Variants in PIK3C2G observed in about 807,000 individuals in gnomAD.
PIK3C2G encodes the protein phosphatidylinositol 3-kinase C2 domain-containing subunit gamma.
A neutral mutation model predicts 181.1 loss-of-function variants in PIK3C2G; 168 were observed. The observed-to-expected ratio is 0.93, with a 90% confidence interval of 0.82 to 1.05. PIK3C2G has a LOEUF of 1.05. Ranked by LOEUF, PIK3C2G falls within the 50% of genes least tolerant of loss-of-function variation. The pLI is 0.00. For synonymous variants in PIK3C2G, 573 were observed against 592.2 expected (o/e 0.97, Z 0.47); for missense variants, 1,869 against 1,732.8 (o/e 1.08, Z -1.40).
At chr12:18,607,885 C>T (rs543783646) in intron 30 of PIK3C2G, among the ~76,000 whole-genome samples, 36 of 152,108 alleles carry the variant, frequency 2.4e-4, no homozygotes, top group Admixed American at 4.6e-4. Flanking sequence ...AACAAGTGGG[C>T]GAAGAATATA....
chr12:18,278,209 T>C (rs1949066094), intron 1 of PIK3C2G, among the ~76,000 whole-genome samples: 1 of 152,164 alleles, frequency 6.6e-6, no homozygotes, highest in Non-Finnish European at 1.5e-5. Flanking sequence ...GGTCCCACTG[T>C]ACTAAGATCA....
At chr12:18,588,167 A>G (rs373452635) in intron 29 of PIK3C2G, among the ~76,000 whole-genome samples, 8 of 152,222 alleles carry the variant, frequency 5.3e-5, no homozygotes, top group African/African-American at 1.9e-4. Flanking sequence ...AACCTAAACA[A>G]TACCACTATG....
At chr12:18,593,406 T>G (rs1947190261) in intron 29 of PIK3C2G, among the ~76,000 whole-genome samples, 1 of 151,906 alleles carries the variant, frequency 6.6e-6, no homozygotes, top group African/African-American at 2.4e-5. Flanking sequence ...CCTTTTATTT[T>G]CTTGGAAGTA....
the PIK3C2G span, among the ~76,000 whole-genome samples, chr12:18,654,241 G>T: frequency 8.3e-5 from 12 of 144,076 alleles, no homozygotes; most frequent in Admixed American, 8.4e-4. Flanking sequence ...GAAGGTAATA[G>T]AAAAGAGCAA....
At chr12:18,637,034 C>T (rs1243150709) in intron 31 of PIK3C2G, among the ~76,000 whole-genome samples, 1 of 152,132 alleles carries the variant, frequency 6.6e-6, no homozygotes, top group Non-Finnish European at 1.5e-5. Context: ...CAGACATGAG[C>T]TCAAATTCTA....
intron 18 of PIK3C2G, among the ~76,000 whole-genome samples, chr12:18,450,377 C>A (rs939659158): frequency 6.6e-6 from 1 of 152,200 alleles, no homozygotes; most frequent in African/African-American, 2.4e-5. Context: ...CCACCCGCCT[C>A]AGCCTCCCAA....
At chr12:18,543,564 A>G (rs1010590258) in intron 25 of PIK3C2G, among the ~76,000 whole-genome samples, 3 of 151,688 alleles carry the variant, frequency 2.0e-5, no homozygotes, top group Admixed American at 6.6e-5. Flanking sequence ...GTTGATTTTT[A>G]TATATGGTGT....
chr12:18,614,219 A>G (rs1426926956), intron 31 of PIK3C2G, among the ~76,000 whole-genome samples: 3 of 152,090 alleles, frequency 2.0e-5, no homozygotes, highest in Admixed American at 6.6e-5. Context: ...CCATTTTGAC[A>G]TTGATCTACC....
At chr12:18,466,846 T>G (rs1167005658) in intron 18 of PIK3C2G, among the ~76,000 whole-genome samples, 1 of 152,172 alleles carries the variant, frequency 6.6e-6, no homozygotes, top group South Asian at 2.1e-4. Context: ...TGCTAATAAC[T>G]AATTCAATCA....
intron 18 of PIK3C2G, among the ~76,000 whole-genome samples, chr12:18,483,984 G>A (rs938834286): frequency 6.6e-6 from 1 of 152,126 alleles, no homozygotes; most frequent in African/African-American, 2.4e-5. Context: ...GGGACATGCT[G>A]TTCTCCAGGA....
intron 18 of PIK3C2G, among the ~76,000 whole-genome samples, chr12:18,486,945 G>A (rs1269948637): frequency 6.6e-6 from 1 of 152,136 alleles, no homozygotes; most frequent in African/African-American, 2.4e-5. Context: ...AATTAATTAT[G>A]TGGTCCATTT....
rs188100221 is a variant in PIK3C2G at position 18,426,525 on chromosome 12, C to T, written c.2504+2486C>T. Among the ~76,000 whole-genome samples the T allele has an allele frequency of 3.3e-5, 5 of 152,194 alleles. No homozygotes were observed. The East Asian group carries it at 7.7e-4, about 24-fold the overall frequency. On this transcript the variant is annotated intron_variant, in intron 18 of 32. Coordinates refer to ENST00000538779, the MANE Select transcript of PIK3C2G (RefSeq NM_001288772.2). ...CTTTGTATTGTTAACCTTGTTGATTCAATTTTAATTTCATAGGACAAAGTT... is the reference window on the plus strand; with the variant it reads ...CTTTGTATTGTTAACCTTGTTGATTTAATTTTAATTTCATAGGACAAAGTT...
the PIK3C2G span, among the ~76,000 whole-genome samples, chr12:18,708,128 T>C: frequency 6.6e-6 from 1 of 152,348 alleles, no homozygotes; most frequent in East Asian, 1.9e-4. Context: ...ATCCTACATA[T>C]GTGCTACTTT....
At chr12:18,438,533 CTTCA>C (rs1439204723) in intron 18 of PIK3C2G, among the ~76,000 whole-genome samples, 1 of 151,842 alleles carries the variant, frequency 6.6e-6, no homozygotes, top group Non-Finnish European at 1.5e-5. Flanking sequence ...TCAAATATTA[CTTCA>C]TTAACTGACA....
the PIK3C2G span, chr12:18,693,683 A>G: frequency 2.6e-6 from 4 of 1,565,968 alleles, no homozygotes; most frequent in African/African-American, 2.7e-5. Context: ...TGGTGGTGAG[A>G]GAGAAATTCA....
chr12:18,665,097 T>C, the PIK3C2G span, among the ~76,000 whole-genome samples: 1 of 151,296 alleles, frequency 6.6e-6, no homozygotes, highest in Non-Finnish European at 1.5e-5. Context: ...GCATGGCACA[T>C]GCATACATAT....
intron 31 of PIK3C2G, among the ~76,000 whole-genome samples, chr12:18,610,468 T>C (rs866968560): frequency 2.0e-5 from 3 of 152,120 alleles, no homozygotes; most frequent in East Asian, 1.9e-4. Flanking sequence ...GGTGAACAAA[T>C]AATTGGCATA....
At chr12:18,408,530 T>C (rs1944671632) in intron 16 of PIK3C2G, among the ~76,000 whole-genome samples, 4 of 152,024 alleles carry the variant, frequency 2.6e-5, no homozygotes, top group Admixed American at 2.6e-4. Context: ...TGCTTAGGAT[T>C]GTCTTTAACA....
chr12:18,623,630 A>C (rs2136680008), intron 31 of PIK3C2G, among the ~76,000 whole-genome samples: 1 of 151,884 alleles, frequency 6.6e-6, no homozygotes, highest in Non-Finnish European at 1.5e-5. Flanking sequence ...ACTTTTAGGA[A>C]ATATGGACAT....
Sources: gnomAD v4.1 joint callset for allele counts (sites outside exome capture counted in the v4.1 genomes callset) on GRCh38, gnomAD v4.1.1 for gene constraint, MANE v1.5 for transcripts, NCBI Gene and HGNC (gene_info 2026-07-23, HGNC 2026-07-21) for gene names.